Variants in DNAJC16 observed in about 807,000 individuals in gnomAD.
DNAJC16 encodes DnaJ heat shock protein family (Hsp40) member C16, also known as dnaJ homolog subfamily C member 16.
In DNAJC16, 76 loss-of-function variants were observed where a neutral mutation model predicts 92.7. That is an observed-to-expected ratio of 0.82 (90% CI 0.68 to 0.99). The LOEUF is 0.99. Ranked by LOEUF, DNAJC16 falls within the 50% of genes least tolerant of loss-of-function variation. The pLI, the probability that DNAJC16 is intolerant of heterozygous loss-of-function variation, is 0.00. For missense variants in DNAJC16, 869 were observed against 942.4 expected (o/e 0.92, Z 1.02); for synonymous variants, 328 against 358.7 (o/e 0.91, Z 0.97).
intron 7 of DNAJC16, 54 bp downstream of exon 7, chr1:15,548,482 T>C: frequency 6.6e-7 from 1 of 1,517,436 alleles, no homozygotes; most frequent in South Asian, 1.3e-5. Flanking sequence ...CCCAAGATTT[T>C]ATGTAAATAA....
At position 15,537,301 on chromosome 1, in the gene DNAJC16, T is replaced by A. The variant is rs59605679; in HGVS notation, c.574+487T>A. On this transcript the variant is annotated intron_variant, in intron 4 of 14. Coordinates refer to ENST00000375847, the MANE Select transcript of DNAJC16 (RefSeq NM_015291.4). The stretch of plus-strand genomic sequence containing the variant: ...GCCTTGAAGGGGGTTGGAAGTCAGC[T>A]AAGGAATCTTCAGTCACACACTGGT... Among the ~76,000 whole-genome samples, 24 of 152,182 alleles carry A rather than the reference T, an allele frequency of 1.6e-4. 1 individual carries two copies. The highest frequency in any genetic ancestry group is 5.5e-4 in the African/African-American group (23 of 41,486).
chr1:15,567,654 T>C (rs1226085108), intron 14 of DNAJC16, 124 bp from the exon 15 acceptor site: 1 of 1,082,252 alleles, frequency 9.2e-7, no homozygotes, highest in African/African-American at 1.6e-5. Flanking sequence ...TTTTTCTCTG[T>C]GTTCAGGCCC....
At chr1:15,544,181 CACACAT>C (rs1465006815) in intron 4 of DNAJC16, among the ~76,000 whole-genome samples, 1 of 141,550 alleles carries the variant, frequency 7.1e-6, no homozygotes, top group Non-Finnish European at 1.6e-5. Context: ...CACACACACA[CACACAT>C]TTGTAACTCT....
chr1:15,566,242 G>T, intron 13 of DNAJC16, 62 bp downstream of exon 13: 1 of 1,328,018 alleles, frequency 7.5e-7, no homozygotes, highest in South Asian at 1.2e-5. Context: ...CCTGTCATCT[G>T]ATAACGCAGC....
At chr1:15,534,147 C>A in intron 2 of DNAJC16, 90 bp from the exon 3 acceptor site, 1 of 1,311,446 alleles carries the variant, frequency 7.6e-7, no homozygotes, top group Non-Finnish European at 1.1e-6. Flanking sequence ...CCTCCGTCTG[C>A]CTCTGTAGTG....
At position 15,566,152 on chromosome 1, in the gene DNAJC16, G is replaced by A. The variant is rs61738974; in HGVS notation, c.1750G>A (p.Glu584Lys). ...EEAQEKTGKT[E>K]PSFTKENSSK... Reference sequence around the variant, plus strand: ...AGCCCAAGAGAAGACTGGGAAAACTGAGCCAAGCTTCACCAAAGAAAACAG... The same window carrying A: ...AGCCCAAGAGAAGACTGGGAAAACTAAGCCAAGCTTCACCAAAGAAAACAG... The change falls in exon 13 of 15, where the codon GAG (glutamate) becomes AAG (lysine). Residue 584 changes from glutamate (E) to lysine (K), a missense_variant. Physicochemically the swap from Glu to Lys is moderately conservative, Grantham distance 56. Coordinates refer to ENST00000375847, the MANE Select transcript of DNAJC16 (RefSeq NM_015291.4). The A allele has an allele frequency of 4.3e-6, 7 of 1,613,852 alleles. No individual in the cohort carries two copies. The highest frequency in any genetic ancestry group is 5.1e-6 in the Non-Finnish European group (6 of 1,180,004).
At chr1:15,542,523 A>G (rs1362749833) in intron 4 of DNAJC16, among the ~76,000 whole-genome samples, 1 of 152,178 alleles carries the variant, frequency 6.6e-6, no homozygotes, top group African/African-American at 2.4e-5. Context: ...AGTAACCATA[A>G]GGAATGTTCC....
Position 15,568,234 on chromosome 1 carries a change from A to G in DNAJC16, c.*57A>G. The G allele has an allele frequency of 4.3e-6, 6 of 1,401,500 alleles. No individual in the cohort carries two copies. The highest frequency in any genetic ancestry group is 5.9e-6 in the Non-Finnish European group (6 of 1,024,936). 86.8% of individuals were successfully genotyped at this position (1,401,500 alleles called of 1,614,324 possible). ...GACTTTTTAACATGCCCCTGTGAACAGGTATTTTCAGGACTCAAACTACCA... is the reference window on the plus strand; with the variant it reads ...GACTTTTTAACATGCCCCTGTGAACGGGTATTTTCAGGACTCAAACTACCA... On this transcript the variant is annotated 3_prime_UTR_variant, in exon 15 of 15. Coordinates refer to ENST00000375847, the MANE Select transcript of DNAJC16 (RefSeq NM_015291.4).
chr1:15,534,610 AGCT>A (rs1347596480), intron 3 of DNAJC16, among the ~76,000 whole-genome samples: 2 of 152,214 alleles, frequency 1.3e-5, no homozygotes, highest in Non-Finnish European at 1.5e-5. Flanking sequence ...CTGTAATCCC[AGCT>A]ACTCAGGAGG....
intron 4 of DNAJC16, among the ~76,000 whole-genome samples, chr1:15,542,014 C>G (rs941913641): frequency 1.3e-5 from 2 of 152,132 alleles, no homozygotes; most frequent in African/African-American, 4.8e-5. Context: ...TAGTGGGCCC[C>G]TGTGTGGGAG....
chr1:15,544,346 C>T (rs1360087949), intron 4 of DNAJC16, 53 bp from the exon 5 acceptor site: 2 of 1,510,832 alleles, frequency 1.3e-6, no homozygotes, highest in East Asian at 2.3e-5. Context: ...GCACTTTTTC[C>T]AGCTGCCATG....
intron 6 of DNAJC16, among the ~76,000 whole-genome samples, chr1:15,547,881 A>T (rs993772175): frequency 3.9e-5 from 6 of 152,004 alleles, no homozygotes; most frequent in African/African-American, 9.7e-5. Context: ...CTACACTCCC[A>T]GCCTACCTAC....
At chr1:15,541,329 A>G (rs1057200832) in intron 4 of DNAJC16, among the ~76,000 whole-genome samples, 5 of 152,042 alleles carry the variant, frequency 3.3e-5, no homozygotes, top group African/African-American at 1.2e-4. Flanking sequence ...ACATTGTTCC[A>G]TAGTTATTTT....
intron 3 of DNAJC16, among the ~76,000 whole-genome samples, chr1:15,534,564 A>T (rs2103404302): frequency 6.6e-6 from 1 of 152,254 alleles, no homozygotes; most frequent in Admixed American, 6.5e-5. Context: ...TTTACTAAAA[A>T]TACAAAAAAA....
intron 4 of DNAJC16, among the ~76,000 whole-genome samples, chr1:15,537,866 C>T (rs1051233709): frequency 9.9e-5 from 15 of 152,182 alleles, no homozygotes; most frequent in South Asian, 2.1e-4. Context: ...AAACACTGCG[C>T]GCGTACTGCT....
rs1412295712 is a variant in DNAJC16, at chr1:15,569,599, A to AAAATCAGT, written c.*1423_*1430dup. On this transcript the variant is annotated 3_prime_UTR_variant, in exon 15 of 15. Coordinates refer to ENST00000375847, the MANE Select transcript of DNAJC16 (RefSeq NM_015291.4). ...GCCTTTGGTGGCTTTGTGAAGGGTG[A>AAAATCAGT]AAATCAGTGATGGGACATTTACTAA... is the stretch of plus-strand genomic sequence containing the variant. 17 of 151,914 alleles carry AAAATCAGT rather than the reference A, an allele frequency of 1.1e-4. No homozygotes were observed. The highest frequency in any genetic ancestry group is 1.1e-3 in the Admixed American group (17 of 15,236). The allele number at this position is 151,914 out of a possible 1,614,324, so 9.4% of individuals were successfully genotyped here. A position where few individuals can be genotyped will look rare whatever the true frequency, so the allele number is the denominator to read the frequency against.
intron 4 of DNAJC16, among the ~76,000 whole-genome samples, chr1:15,540,047 C>T (rs939672298): frequency 5.3e-5 from 8 of 151,852 alleles, no homozygotes; most frequent in African/African-American, 1.9e-4. Context: ...ATAAAGTGGC[C>T]GGGCATGTTG....
chr1:15,552,302 A>G (rs1482035786), intron 7 of DNAJC16, among the ~76,000 whole-genome samples: 1 of 151,878 alleles, frequency 6.6e-6, no homozygotes, highest in Non-Finnish European at 1.5e-5. Context: ...CCTGCCCAAT[A>G]TGGTGAAACC....
At chr1:15,566,305 C>T (rs1638806076) in intron 13 of DNAJC16, 125 bp downstream of exon 13, 1 of 774,930 alleles carries the variant, frequency 1.3e-6, no homozygotes, top group Non-Finnish European at 2.0e-6. Context: ...CCCATGTAAA[C>T]TGTGGCTACA....
Sources: gnomAD v4.1 joint callset for allele counts (sites outside exome capture counted in the v4.1 genomes callset) on GRCh38, gnomAD v4.1.1 for gene constraint, MANE v1.5 for transcripts, NCBI Gene and HGNC (gene_info 2026-07-23, HGNC 2026-07-21) for gene names.